COA1: variants seen among roughly 807,000 people sequenced by gnomAD.
The protein encoded by COA1 is cytochrome c oxidase assembly factor 1, also known as cytochrome c oxidase assembly factor 1 homolog.
COA1 carries 13 observed loss-of-function variants against 16.0 expected under a neutral mutation model. The ratio of observed to expected loss-of-function variants is 0.81; its 90% CI spans 0.53 to 1.29. The LOEUF (loss-of-function observed/expected upper bound fraction) is 1.29, where lower values mean the gene tolerates loss of function less well. COA1 is among the 50% of genes most tolerant of loss of function. COA1 has a pLI of 0.00. For missense variants in COA1, 179 were observed against 177.0 expected (o/e 1.01, Z -0.06); for synonymous variants, 65 against 65.7 (o/e 0.99, Z 0.05).
At chr7:43,619,577 G>A (rs757093705) in intron 6 of COA1, 17 of 1,607,294 alleles carry the variant, frequency 1.1e-5, no homozygotes, top group South Asian at 5.6e-5. Context: ...TGATTTTTGC[G>A]GGGGTGTATT....
chr7:43,627,438 G>A (rs1458572142), intron 6 of COA1, among the ~76,000 whole-genome samples: 1 of 152,170 alleles, frequency 6.6e-6, no homozygotes, highest in African/African-American at 2.4e-5. Flanking sequence ...TGGGGGTGGT[G>A]CGTGACTCAG....
At chr7:43,644,744 A>AGATAGATAGATG (rs1479450203) in intron 4 of COA1, among the ~76,000 whole-genome samples, 3 of 90,366 alleles carry the variant, frequency 3.3e-5, no homozygotes, top group South Asian at 3.2e-4. Flanking sequence ...ATAGATAGAT[A>AGATAGATAGATG]GATAGATAGA....
chr7:43,635,265 A>G (rs1158487802), downstream of COA1, among the ~76,000 whole-genome samples: 1 of 152,192 alleles, frequency 6.6e-6, no homozygotes, highest in East Asian at 1.9e-4. Context: ...TTAGGTTAAA[A>G]TAATTCCAGG....
At chr7:43,683,524 C>T (rs2093871029) in intron 1 of COA1, among the ~76,000 whole-genome samples, 1 of 152,066 alleles carries the variant, frequency 6.6e-6, no homozygotes, top group Non-Finnish European at 1.5e-5. Flanking sequence ...GTCCCAGCTA[C>T]TCGGGAGTCT....
chr7:43,677,573 T>C (rs2093589251), intron 1 of COA1, among the ~76,000 whole-genome samples: 1 of 151,960 alleles, frequency 6.6e-6, no homozygotes, highest in Non-Finnish European at 1.5e-5. Context: ...CCAAGAAGGG[T>C]GGATCACCTG....
chr7:43,683,994 G>C (rs1205086674), intron 1 of COA1, among the ~76,000 whole-genome samples: 1 of 152,168 alleles, frequency 6.6e-6, no homozygotes, highest in Non-Finnish European at 1.5e-5. Flanking sequence ...AATGGGACCG[G>C]AATCATTTGA....
intron 1 of COA1, among the ~76,000 whole-genome samples, chr7:43,709,684 G>A (rs1379399060): frequency 6.6e-6 from 1 of 151,856 alleles, no homozygotes; most frequent in Non-Finnish European, 1.5e-5. Context: ...TGTTAATCCA[G>A]TTTTATTTTT....
intron 1 of COA1, among the ~76,000 whole-genome samples, chr7:43,678,251 A>G (rs927540139): frequency 4.6e-5 from 7 of 152,262 alleles, no homozygotes; most frequent in Admixed American, 2.6e-4. Context: ...AATTCAACAA[A>G]TAACACTGGG....
intron 1 of COA1, among the ~76,000 whole-genome samples, chr7:43,727,201 G>A (rs1353218477): frequency 1.3e-5 from 2 of 152,178 alleles, no homozygotes; most frequent in Non-Finnish European, 2.9e-5. Flanking sequence ...GCTAGAATCA[G>A]AAAGACAGAT....
intron 6 of COA1, among the ~76,000 whole-genome samples, chr7:43,617,369 T>C (rs919526505): frequency 3.3e-5 from 5 of 152,322 alleles, no homozygotes; most frequent in Admixed American, 2.6e-4. Context: ...GCCATTGCAA[T>C]AGAGCAAGAA....
intron 4 of COA1, among the ~76,000 whole-genome samples, chr7:43,644,715 TAGATAGATAGATAGATAGATAGATAGATA>T (rs200928064): frequency 1.2e-5 from 1 of 83,068 alleles, no homozygotes; most frequent in Non-Finnish European, 2.6e-5. Flanking sequence ...ATAGATTAGA[TAGATAGATAGATAGATAGATAGATAGATA>T]GATAGATAGA....
intron 1 of COA1, among the ~76,000 whole-genome samples, chr7:43,726,975 T>C (rs1371329746): frequency 1.3e-5 from 2 of 152,132 alleles, no homozygotes; most frequent in Non-Finnish European, 2.9e-5. Flanking sequence ...TTTGAAACCA[T>C]AATATTTTCA....
intron 1 of COA1, among the ~76,000 whole-genome samples, chr7:43,674,999 C>A (rs1410293587): frequency 1.3e-5 from 2 of 152,166 alleles, no homozygotes; most frequent in Non-Finnish European, 2.9e-5. Context: ...AAACCCTGAA[C>A]ACAGGAGTAG....
At chr7:43,644,718 A>ATAGATAGATAGATAGAT (rs2088327223) in intron 4 of COA1, among the ~76,000 whole-genome samples, 2 of 20,496 alleles carry the variant, frequency 9.8e-5, no homozygotes, top group African/African-American at 3.0e-4. Context: ...GATTAGATAG[A>ATAGATAGATAGATAGAT]TAGATAGATA....
rs557472017 is a variant in COA1 at position 43,687,939 on chromosome 7, G to A, written c.-38-39287C>T. 6.6e-5 allele frequency among the ~76,000 whole-genome samples: 10 copies of A among 152,334 alleles called. No homozygotes were observed. The East Asian group carries it at 1.5e-3, about 23-fold the overall frequency. On this transcript the variant is annotated intron_variant, in intron 1 of 5. Coordinates refer to ENST00000223336, the MANE Select transcript of COA1 (RefSeq NM_018224.4). The stretch of plus-strand genomic sequence containing the variant: ...GGGAGGGACCCAGAGGGAGGTAACT[G>A]AATCATGGGGGCCAGTCTTTGCTGT...
intron 6 of COA1, among the ~76,000 whole-genome samples, chr7:43,616,964 T>C (rs1361648102): frequency 6.6e-6 from 1 of 152,304 alleles, no homozygotes; most frequent in African/African-American, 2.4e-5. Flanking sequence ...TCTATGGAAA[T>C]TGTTGTAATC....
At chr7:43,718,134 A>G (rs1371228081) in intron 1 of COA1, among the ~76,000 whole-genome samples, 1 of 152,202 alleles carries the variant, frequency 6.6e-6, no homozygotes, top group Non-Finnish European at 1.5e-5. Context: ...TTTGCTTTCA[A>G]ATTTTTTATT....
intron 6 of COA1, among the ~76,000 whole-genome samples, chr7:43,615,457 G>A (rs565422809): frequency 6.6e-5 from 10 of 152,182 alleles, no homozygotes; most frequent in Non-Finnish European, 1.3e-4. Flanking sequence ...AATTACAGAT[G>A]TGAGCCACTG....
At chr7:43,664,260 C>A (rs2092727455) in intron 1 of COA1, among the ~76,000 whole-genome samples, 1 of 152,114 alleles carries the variant, frequency 6.6e-6, no homozygotes, top group Admixed American at 6.5e-5. Flanking sequence ...GGATTACAGG[C>A]ATGCAACACC....
Sources: allele counts gnomAD v4.1 joint callset (sites outside exome capture counted in the v4.1 genomes callset), GRCh38; gene constraint gnomAD v4.1.1; transcripts MANE v1.5; gene names NCBI Gene and HGNC (gene_info 2026-07-23, HGNC 2026-07-21).